The following SOX6 variants were observed in gnomAD, a reference collection of about 807,000 sequenced individuals.
The protein encoded by SOX6 is transcription factor SOX-6.
SOX6 carries 11 observed loss-of-function variants against 97.8 expected under a neutral mutation model. The observed-to-expected ratio is 0.11, with a 90% CI of 0.07 to 0.19. The LOEUF is 0.19. SOX6 is among the 10% of genes least tolerant of loss of function. The pLI is 1.00. For missense variants in SOX6, 810 were observed against 1,039.5 expected (o/e 0.78, Z 3.04); for synonymous variants, 360 against 371.4 (o/e 0.97, Z 0.35).
chr11:16,256,112 A>G (rs544718921), intron 3 of SOX6, among the ~76,000 whole-genome samples: 2 of 152,122 alleles, frequency 1.3e-5, no homozygotes, highest in East Asian at 3.9e-4. Context: ...CAGAAGCAAC[A>G]GGCCCAGATT....
chr11:16,038,209 G>A (rs1174548172), intron 12 of SOX6, among the ~76,000 whole-genome samples: 1 of 152,106 alleles, frequency 6.6e-6, no homozygotes, highest in Non-Finnish European at 1.5e-5. Flanking sequence ...GAGCATCCAG[G>A]AATTTTGGGA....
intron 11 of SOX6, 110 bp from the exon 12 acceptor site, chr11:16,046,811 G>C: frequency 9.1e-7 from 1 of 1,104,940 alleles, no homozygotes; most frequent in Non-Finnish European, 1.3e-6. Context: ...AGGAAGGGGT[G>C]CACATTTGCT....
At chr11:16,022,408 T>A (rs1378860606) in intron 12 of SOX6, among the ~76,000 whole-genome samples, 1 of 148,464 alleles carries the variant, frequency 6.7e-6, no homozygotes, top group Non-Finnish European at 1.5e-5. Context: ...TCTCTCTCTC[T>A]CTTTCTCTTT....
intron 6 of SOX6, among the ~76,000 whole-genome samples, chr11:16,178,022 C>T (rs1007204718): frequency 1.3e-5 from 2 of 151,862 alleles, no homozygotes; most frequent in Non-Finnish European, 1.5e-5. Context: ...TGAAGGATAG[C>T]GCAGAAAAAG....
chr11:16,663,361 T>C (rs1847780552), intron 3 of SOX6, among the ~76,000 whole-genome samples: 1 of 152,180 alleles, frequency 6.6e-6, no homozygotes, highest in Non-Finnish European at 1.5e-5. Flanking sequence ...TGTCACTTTG[T>C]CAACCAACCT....
intron 4 of SOX6, among the ~76,000 whole-genome samples, chr11:16,207,398 C>G (rs770001453): frequency 2.0e-5 from 3 of 151,946 alleles, no homozygotes; most frequent in Non-Finnish European, 2.9e-5. Context: ...GTCAGGAGAT[C>G]GAGACCATCC....
intron 6 of SOX6, among the ~76,000 whole-genome samples, chr11:16,126,969 A>G (rs1849626112): frequency 6.6e-6 from 1 of 152,110 alleles, no homozygotes. Context: ...ATTTAAGAAC[A>G]TGATGAATAT....
intron 4 of SOX6, among the ~76,000 whole-genome samples, chr11:16,187,290 G>A (rs532640880): frequency 6.6e-6 from 1 of 152,202 alleles, no homozygotes; most frequent in African/African-American, 2.4e-5. Context: ...TATTTAATAT[G>A]AAAGATCAGA....
chr11:16,712,560 G>C (rs1848189878), intron 3 of SOX6, among the ~76,000 whole-genome samples: 1 of 151,978 alleles, frequency 6.6e-6, no homozygotes, highest in Admixed American at 6.6e-5. Context: ...TTTGAGAATT[G>C]TCTATTCATG....
chr11:16,727,291 T>C (rs1381436088), intron 2 of SOX6, among the ~76,000 whole-genome samples: 1 of 33,354 alleles, frequency 3.0e-5, no homozygotes, highest in East Asian at 5.1e-4. Flanking sequence ...TTCACCTTGC[T>C]TTTTTTTTTT....
chr11:16,465,730 A>G (rs1305067212), intron 1 of SOX6: 1 of 152,244 alleles, frequency 6.6e-6, no homozygotes, highest in Non-Finnish European at 1.5e-5. Context: ...CTCCAAAGGT[A>G]TAAAATAGCC....
chr11:16,632,656 T>C (rs1280142947), intron 3 of SOX6, among the ~76,000 whole-genome samples: 1 of 152,164 alleles, frequency 6.6e-6, no homozygotes, highest in Non-Finnish European at 1.5e-5. Flanking sequence ...GAGAATCGAA[T>C]AGGTGAGCAC....
At chr11:16,419,933 G>A (rs1858993737) in intron 1 of SOX6, among the ~76,000 whole-genome samples, 1 of 152,098 alleles carries the variant, frequency 6.6e-6, no homozygotes, top group African/African-American at 2.4e-5. Flanking sequence ...CTACATGACG[G>A]GGGAAAAGGT....
At chr11:16,011,148 A>T (rs540259392) in intron 13 of SOX6, among the ~76,000 whole-genome samples, 1 of 152,206 alleles carries the variant, frequency 6.6e-6, no homozygotes, top group African/African-American at 2.4e-5. Context: ...TAAGCAGAAT[A>T]AGAAAAGGGG....
At chr11:16,689,592 T>G (rs1847996976) in intron 3 of SOX6, among the ~76,000 whole-genome samples, 1 of 152,218 alleles carries the variant, frequency 6.6e-6, no homozygotes, top group African/African-American at 2.4e-5. Context: ...TGTCTTGATT[T>G]TAGTAGTCCT....
chr11:16,079,305 G>A (rs1358886584), intron 9 of SOX6, among the ~76,000 whole-genome samples: 1 of 152,090 alleles, frequency 6.6e-6, no homozygotes, highest in African/African-American at 2.4e-5. Flanking sequence ...CTTAAATTGT[G>A]AAATATATAT....
At chr11:16,183,621 G>T (rs905932197) in intron 6 of SOX6, among the ~76,000 whole-genome samples, 2 of 151,946 alleles carry the variant, frequency 1.3e-5, no homozygotes, top group African/African-American at 4.8e-5. Flanking sequence ...AGACCATTAG[G>T]TTCCCAGTAA....
chr11:16,725,000 TCCAC>T (rs1372740974), intron 2 of SOX6, among the ~76,000 whole-genome samples: 1 of 152,202 alleles, frequency 6.6e-6, no homozygotes, highest in Non-Finnish European at 1.5e-5. Context: ...ATCCAGCAAT[TCCAC>T]TCCTAGACAT....
chr11:16,041,209 C>T (rs1012035704), intron 12 of SOX6, among the ~76,000 whole-genome samples: 17 of 152,114 alleles, frequency 1.1e-4, no homozygotes, highest in African/African-American at 4.1e-4. Context: ...TCATTCCCAA[C>T]ACACTTTGCT....
Sources: allele counts gnomAD v4.1 joint callset (sites outside exome capture counted in the v4.1 genomes callset), GRCh38; gene constraint gnomAD v4.1.1; transcripts MANE v1.5; gene names NCBI Gene and HGNC (gene_info 2026-07-23, HGNC 2026-07-21).